Variants in MAP2K5 observed in about 807,000 individuals in gnomAD.
MAP2K5 encodes the protein dual specificity mitogen-activated protein kinase kinase 5.
MAP2K5 carries 49 observed loss-of-function variants against 83.1 expected under a neutral mutation model. The observed-to-expected ratio is 0.59, with a 90% CI of 0.47 to 0.75. The LOEUF (loss-of-function observed/expected upper bound fraction) is 0.75, where lower values mean the gene tolerates loss of function less well. Ranked by LOEUF, MAP2K5 falls within the 30% of genes least tolerant of loss-of-function variation. The pLI, the probability that MAP2K5 is intolerant of heterozygous loss-of-function variation, is 0.00. For missense variants in MAP2K5, 457 were observed against 557.5 expected (o/e 0.82, Z 1.82); for synonymous variants, 202 against 191.8 (o/e 1.05, Z -0.44).
At position 67,665,821 on chromosome 15, in the gene MAP2K5, TATAA is replaced by T. The variant is rs1313162017; in HGVS notation, c.847+1181_847+1184del. Among the ~76,000 whole-genome samples, 2 of 152,134 alleles carry T rather than the reference TATAA, an allele frequency of 1.3e-5. No homozygotes were observed. Among genetic ancestry groups the T allele is most frequent in the African/African-American group, 2.4e-5 (1 of 41,424 alleles). On this transcript the variant is annotated intron_variant, in intron 13 of 21. Coordinates refer to ENST00000178640, the MANE Select transcript of MAP2K5 (RefSeq NM_145160.3). The surrounding 1 kb of genome is among the most constrained non-coding windows in gnomAD (Gnocchi z 4.2). Reference sequence around the variant, plus strand: ...TTTTGTTAGTGTTACTTTCTCTGAGTATAAATAAGTGTGTAAACAAATTTGGTGG... The same window carrying T: ...TTTTGTTAGTGTTACTTTCTCTGAGTATAAGTGTGTAAACAAATTTGGTGG...
intron 11 of MAP2K5, among the ~76,000 whole-genome samples, chr15:67,653,318 T>C (rs1453149053): frequency 3.3e-5 from 5 of 151,270 alleles, no homozygotes; most frequent in Non-Finnish European, 7.4e-5. Context: ...GGAGTTCTGC[T>C]CTTGTTGCCC....
intron 13 of MAP2K5, among the ~76,000 whole-genome samples, chr15:67,669,754 A>G (rs2087481117): frequency 6.7e-6 from 1 of 149,382 alleles, no homozygotes; most frequent in African/African-American, 2.5e-5. Context: ...GTATGCTAAA[A>G]ATACTTCTTG....
intron 7 of MAP2K5, among the ~76,000 whole-genome samples, chr15:67,596,221 G>GAC (rs1257138692): frequency 5.9e-5 from 9 of 152,228 alleles, no homozygotes; most frequent in Non-Finnish European, 1.3e-4. Flanking sequence ...AGGAGTTTGA[G>GAC]ACCAGCCTGG....
At chr15:67,657,813 A>G (rs1011641907) in intron 11 of MAP2K5, among the ~76,000 whole-genome samples, 1 of 152,100 alleles carries the variant, frequency 6.6e-6, no homozygotes, top group Non-Finnish European at 1.5e-5. Flanking sequence ...TTTTACAGAT[A>G]AAAATATTTT....
chr15:67,703,250 TC>T, intron 15 of MAP2K5, 86 bp from the exon 16 acceptor site: 1 of 914,622 alleles, frequency 1.1e-6, no homozygotes, highest in South Asian at 1.4e-5. Flanking sequence ...TGTTGGTGGC[TC>T]CTCACCTTAG....
chr15:67,566,318 G>A (rs2140970482), intron 3 of MAP2K5, among the ~76,000 whole-genome samples: 1 of 152,192 alleles, frequency 6.6e-6, no homozygotes, highest in Non-Finnish European at 1.5e-5. Context: ...GGGATTACAG[G>A]TGCCCGCCAC....
rs943860494 is a variant in MAP2K5 at position 67,786,060 on chromosome 15, T to C, written c.1242+13308T>C. 1.3e-5 allele frequency among the ~76,000 whole-genome samples: 2 copies of C among 151,628 alleles called. No homozygotes were observed. The highest frequency in any genetic ancestry group is 4.9e-5 in the African/African-American group (2 of 41,174). On this transcript the variant is annotated intron_variant, in intron 21 of 21. Coordinates refer to ENST00000178640, the MANE Select transcript of MAP2K5 (RefSeq NM_145160.3). This position sits in a 1 kb window ranked among gnomAD's most constrained non-coding sequence, Gnocchi z 4.7. Reference sequence around the variant, plus strand: ...TTACAGAAGATGGAGGTTATGAAAGTGTTTGTAAACTATGAAGTGCGAGAC... The same window carrying C: ...TTACAGAAGATGGAGGTTATGAAAGCGTTTGTAAACTATGAAGTGCGAGAC...
At position 67,628,640 on chromosome 15, in the gene MAP2K5, CTG is replaced by C. The variant is rs1165435609; in HGVS notation, c.546-2245_546-2244del. The C allele has an allele frequency of 1.1e-4, 123 of 1,080,070 alleles. No individual in the cohort carries two copies. The East Asian group carries it at 2.9e-3, about 25-fold the overall frequency. 66.9% of individuals were successfully genotyped at this position (1,080,070 alleles called of 1,614,324 possible). A position where few individuals can be genotyped will look rare whatever the true frequency, so the allele number is the denominator to read the frequency against. On this transcript the variant is annotated intron_variant, in intron 8 of 21. Transcript: ENST00000178640. The stretch of plus-strand genomic sequence containing the variant: ...TTTATAACCTTTGACGACCATGACT[CTG>C]TGGATAAGACTGTCATTCAGAAATA...
At chr15:67,694,429 C>T (rs949097509) in intron 15 of MAP2K5, among the ~76,000 whole-genome samples, 5 of 151,822 alleles carry the variant, frequency 3.3e-5, no homozygotes, top group African/African-American at 7.3e-5. Flanking sequence ...TGGATAAAAC[C>T]GTGGGTCTTA....
At chr15:67,626,697 G>C (rs1161772451) in intron 8 of MAP2K5, among the ~76,000 whole-genome samples, 2 of 151,418 alleles carry the variant, frequency 1.3e-5, no homozygotes, top group African/African-American at 4.9e-5. Flanking sequence ...CTTGGAGTTT[G>C]AGACCAACTT....
chr15:67,567,767 T>G (rs1332043045), intron 3 of MAP2K5, among the ~76,000 whole-genome samples: 2 of 152,350 alleles, frequency 1.3e-5, no homozygotes, highest in African/African-American at 4.8e-5. Flanking sequence ...TAATTAAATA[T>G]TCCCTTAATG....
intron 3 of MAP2K5, among the ~76,000 whole-genome samples, chr15:67,576,837 T>C (rs1317601986): frequency 6.8e-6 from 1 of 147,462 alleles, no homozygotes; most frequent in African/African-American, 2.5e-5. Context: ...TTAAATTTCT[T>C]AACTAATAAT....
At chr15:67,795,591 A>G (rs1256805572) in intron 21 of MAP2K5, among the ~76,000 whole-genome samples, 1 of 152,220 alleles carries the variant, frequency 6.6e-6, no homozygotes, top group Non-Finnish European at 1.5e-5. Context: ...TGCTATGTAT[A>G]ACATCAGATC....
Position 67,789,500 on chromosome 15 carries a change from G to A in MAP2K5, c.1242+16748G>A, listed in dbSNP as rs376396483. Among the ~76,000 whole-genome samples the A allele has an allele frequency of 8.4e-4, 128 of 152,258 alleles. 2 individuals are homozygous for A. The highest frequency in any genetic ancestry group is 6.8e-3 in the Middle Eastern group (2 of 294). On this transcript the variant is annotated intron_variant, in intron 21 of 21. Transcript: ENST00000178640. The stretch of plus-strand genomic sequence containing the variant: ...TTGGGAGGCCAGGTGGATCACCTGA[G>A]GTCAGGAGTTCGAGACCAGCCTGGC...
intron 14 of MAP2K5, 51 bp from the exon 15 acceptor site, chr15:67,693,467 T>G: frequency 7.0e-7 from 1 of 1,430,786 alleles, no homozygotes; most frequent in Non-Finnish European, 9.7e-7. Flanking sequence ...ATTGCCCATT[T>G]TATTTCCACA....
chr15:67,599,278 T>G (rs1472226074), intron 7 of MAP2K5, among the ~76,000 whole-genome samples: 2 of 152,228 alleles, frequency 1.3e-5, no homozygotes, highest in Non-Finnish European at 2.9e-5. Context: ...TGTCTTTCAT[T>G]ACTTCACTGA....
intron 21 of MAP2K5, among the ~76,000 whole-genome samples, chr15:67,806,388 C>A (rs534629776): frequency 6.6e-6 from 1 of 152,272 alleles, no homozygotes; most frequent in African/African-American, 2.4e-5. Flanking sequence ...CAGGCTAGTG[C>A]GAGCCTCAGG....
intron 17 of MAP2K5, among the ~76,000 whole-genome samples, chr15:67,734,976 CCTCA>C (rs1474110721): frequency 4.6e-5 from 7 of 152,062 alleles, no homozygotes; most frequent in Admixed American, 6.6e-5. Flanking sequence ...TTACTTTTGT[CCTCA>C]CTATTTAGGA....
At chr15:67,683,151 A>G (rs1030864593) in intron 13 of MAP2K5, among the ~76,000 whole-genome samples, 1 of 152,142 alleles carries the variant, frequency 6.6e-6, no homozygotes, top group Admixed American at 6.5e-5. Context: ...TCAAAAAAAA[A>G]AAGTTGTAGA....
Sources: gnomAD v4.1 joint callset for allele counts (sites outside exome capture counted in the v4.1 genomes callset) on GRCh38, gnomAD v4.1.1 for gene constraint, Gnocchi (gnomAD v3.1) non-coding constraint, MANE v1.5 for transcripts, NCBI Gene and HGNC (gene_info 2026-07-23, HGNC 2026-07-21) for gene names.